The following PCLO variants were observed in gnomAD, a reference collection of about 807,000 sequenced individuals.
PCLO encodes protein piccolo.
In PCLO, 82 loss-of-function variants were observed where a neutral mutation model predicts 427.5. The ratio of observed to expected loss-of-function variants is 0.19; its 90% CI spans 0.16 to 0.23. PCLO has a LOEUF of 0.23. PCLO is among the 10% of genes least tolerant of loss of function. The pLI, the probability that PCLO is intolerant of heterozygous loss-of-function variation, is 1.00. For synonymous variants in PCLO, 2,357 were observed against 2,155.4 expected (o/e 1.09, Z -2.59); for missense variants, 6,239 against 6,115.9 (o/e 1.02, Z -0.67).
rs1481890763 is a variant in PCLO at position 82,754,929 on chromosome 7, T to A, written c.*3646A>T. The A allele has an allele frequency of 6.6e-6, 1 of 152,076 alleles. No individual in the cohort carries two copies. The highest frequency in any genetic ancestry group is 2.4e-5 in the African/African-American group (1 of 41,428). 9.4% of individuals were successfully genotyped at this position (152,076 alleles called of 1,614,324 possible). A position where few individuals can be genotyped will look rare whatever the true frequency, so the allele number is the denominator to read the frequency against. ...ATATTTGACATTGTAGCAATGAAAA[T>A]AAGTTTTTAAAAATATTGTTAGTTA... On this transcript the variant is annotated 3_prime_UTR_variant, in exon 25 of 25. Transcript: ENST00000333891.
chr7:82,902,721 T>C lies in PCLO; in HGVS notation c.13458A>G (p.Lys4486=), dbSNP rs771712279. Reference sequence around the variant, plus strand: ...CGTGAGGAAAGATGTAGTGCATAGTTTTCCCGTTCATCTGTATAATCTAAG... The same window carrying C: ...CGTGAGGAAAGATGTAGTGCATAGTCTTCCCGTTCATCTGTATAATCTAAG... ...HQEQIIQMNG[K]TMHYIFPHAR... is the part of the protein sequence containing the mutation. Residue 4486 remains lysine (K), a synonymous_variant, in exon 9 of 25, where the codon AAA becomes AAG. Transcript: ENST00000333891. 1.3e-6 allele frequency: 2 copies of C among 1,594,748 alleles called. No individual in the cohort carries two copies. Among genetic ancestry groups the C allele is most frequent in the South Asian group, 1.1e-5 (1 of 90,634 alleles).
At chr7:82,834,264 A>G (rs1005099278) in intron 16 of PCLO, among the ~76,000 whole-genome samples, 33 of 152,172 alleles carry the variant, frequency 2.2e-4, no homozygotes, top group African/African-American at 7.5e-4. Context: ...TGTTCTAAAA[A>G]TAACACTATT....
At chr7:83,120,840 G>A (rs1280709483) in intron 3 of PCLO, among the ~76,000 whole-genome samples, 1 of 152,062 alleles carries the variant, frequency 6.6e-6, no homozygotes, top group Non-Finnish European at 1.5e-5. Context: ...ATCCTAAAAG[G>A]AGTTCATCAA....
intron 10 of PCLO, among the ~76,000 whole-genome samples, chr7:82,872,707 A>G (rs1311109135): frequency 6.6e-6 from 1 of 152,146 alleles, no homozygotes. Context: ...AGCGGTAAAA[A>G]TAAAGCAAAC....
intron 6 of PCLO, among the ~76,000 whole-genome samples, chr7:82,928,731 T>C (rs1794773054): frequency 6.6e-6 from 1 of 152,108 alleles, no homozygotes. Context: ...AATTCTGAAC[T>C]GGAGCTATCG....
chr7:82,878,764 C>T (rs1166745207), intron 10 of PCLO, among the ~76,000 whole-genome samples: 1 of 152,086 alleles, frequency 6.6e-6, no homozygotes, highest in Non-Finnish European at 1.5e-5. Context: ...CTGTAAAGGG[C>T]CAGGAGTAAA....
intron 14 of PCLO, among the ~76,000 whole-genome samples, chr7:82,840,018 G>A (rs1792328027): frequency 6.6e-6 from 1 of 151,912 alleles, no homozygotes; most frequent in African/African-American, 2.4e-5. Flanking sequence ...TTAAGGGAAA[G>A]CAAAATAAAA....
At chr7:82,942,656 C>T (rs1376305639) in intron 6 of PCLO, among the ~76,000 whole-genome samples, 1 of 151,928 alleles carries the variant, frequency 6.6e-6, no homozygotes, top group Non-Finnish European at 1.5e-5. Flanking sequence ...AATATCTTTC[C>T]AATTACTAAT....
intron 10 of PCLO, among the ~76,000 whole-genome samples, chr7:82,850,171 G>A (rs1478637904): frequency 1.3e-5 from 2 of 151,954 alleles, no homozygotes; most frequent in African/African-American, 4.8e-5. Flanking sequence ...ACCACACCCA[G>A]CTAGTTTTTG....
At chr7:82,997,541 C>T (rs1410499556) in intron 3 of PCLO, among the ~76,000 whole-genome samples, 1 of 151,958 alleles carries the variant, frequency 6.6e-6, no homozygotes, top group Admixed American at 6.6e-5. Context: ...GAAAAGAGAT[C>T]TCCCTATAAT....
At chr7:82,884,733 A>G (rs971033721) in intron 9 of PCLO, among the ~76,000 whole-genome samples, 4 of 152,126 alleles carry the variant, frequency 2.6e-5, no homozygotes, top group Non-Finnish European at 5.9e-5. Context: ...GGGTCACTTT[A>G]TAGGTTTGGC....
chr7:82,893,128 G>A (rs1264793084), intron 9 of PCLO, among the ~76,000 whole-genome samples: 1 of 152,032 alleles, frequency 6.6e-6, no homozygotes. Context: ...GCACACGTAT[G>A]GTTATTGCGG....
Position 82,953,066 on chromosome 7 carries a change from T to C in PCLO, c.7887A>G (p.Val2629=). ...VFSVVPPVTA[V]EIPISSEQTF... is the part of the protein sequence containing the mutation. ...TCTGTTCTGAAGAAATTGGAATTTC[T>C]ACAGCTGTCACAGGAGGAACTACAG... The change falls in exon 5 of 25, where the codon GTA becomes GTG. Residue 2629 remains valine (V), a synonymous_variant. Coordinates refer to ENST00000333891, the MANE Select transcript of PCLO (RefSeq NM_033026.6). 6.2e-7 allele frequency: 1 copy of C among 1,613,972 alleles called. No homozygotes were observed. The highest frequency in any genetic ancestry group is 8.5e-7 in the Non-Finnish European group (1 of 1,179,856).
chr7:82,998,872 T>C (rs1182205906), intron 3 of PCLO, among the ~76,000 whole-genome samples: 1 of 151,786 alleles, frequency 6.6e-6, no homozygotes, highest in Non-Finnish European at 1.5e-5. Context: ...AATGTTGCAA[T>C]GATCAGACTG....
intron 13 of PCLO, among the ~76,000 whole-genome samples, chr7:82,842,328 G>A (rs1158725773): frequency 1.3e-5 from 2 of 151,932 alleles, no homozygotes; most frequent in African/African-American, 2.4e-5. Context: ...CAGGAAAATT[G>A]GACATCCACA....
chr7:82,868,358 A>C (rs542853604), intron 10 of PCLO, among the ~76,000 whole-genome samples: 3 of 152,294 alleles, frequency 2.0e-5, no homozygotes, highest in East Asian at 1.9e-4. Flanking sequence ...CCAGAGGCCA[A>C]CTTCTAAAAT....
In PCLO at chr7:82,838,836, C is replaced by T. The variant is rs1792295151; in HGVS notation, c.14098-494G>A. 4.6e-5 allele frequency among the ~76,000 whole-genome samples: 7 copies of T among 151,846 alleles called. No individual in the cohort carries two copies. The South Asian group carries it at 1.5e-3, about 31-fold the overall frequency. ...AAATGTAAGAATATTTAAGAATACA[C>T]AGATTATTACTTTTTAATGTTATAT... On this transcript the variant is annotated intron_variant, in intron 14 of 24. Coordinates refer to ENST00000333891, the MANE Select transcript of PCLO (RefSeq NM_033026.6).
Position 82,955,733 on chromosome 7 carries a change from G to T in PCLO, c.5220C>A (p.Asp1740Glu). 1 of 1,613,810 alleles carries T rather than the reference G, an allele frequency of 6.2e-7. No homozygotes were observed. Among genetic ancestry groups the T allele is most frequent in the Non-Finnish European group, 8.5e-7 (1 of 1,179,808 alleles). Reference sequence around the variant, plus strand: ...TTTTGTGACTCGGGCTACTGTCACTGTCCTCATCAAGTGATGATACTGATG... The same window carrying T: ...TTTTGTGACTCGGGCTACTGTCACTTTCCTCATCAAGTGATGATACTGATG... ...SPTSVSSLDEDSDSSPSHKKG... is the reference protein window; with the variant it reads ...SPTSVSSLDEESDSSPSHKKG... The change falls in exon 5 of 25, where the codon GAC (aspartate) becomes GAA (glutamate). Residue 1740 changes from aspartate to glutamate, a missense_variant. Asp to Glu is a conservative substitution (Grantham distance 45). This residue lies in a region of PCLO where 4,677 missense variants were observed against 4,468.4 expected (regional missense o/e 1.05). Transcript: ENST00000333891.
At chr7:82,823,732 T>C (rs1216241862) in intron 19 of PCLO, among the ~76,000 whole-genome samples, 1 of 152,200 alleles carries the variant, frequency 6.6e-6, no homozygotes, top group Non-Finnish European at 1.5e-5. Flanking sequence ...AGCATACCAA[T>C]TGTTTTGATG....
Sources: allele counts gnomAD v4.1 joint callset (sites outside exome capture counted in the v4.1 genomes callset), GRCh38; gene constraint gnomAD v4.1.1; regional missense constraint gnomAD v4.1.1; transcripts MANE v1.5; gene names NCBI Gene and HGNC (gene_info 2026-07-23, HGNC 2026-07-21).